AP4S1: variants seen among roughly 807,000 people sequenced by gnomAD.
AP4S1 encodes adaptor related protein complex 4 subunit sigma 1, also known as AP-4 complex subunit sigma-1.
In AP4S1, 23 loss-of-function variants were observed where a neutral mutation model predicts 19.8. That is an observed-to-expected ratio of 1.16 (90% CI 0.84 to 1.65). The LOEUF is 1.65. Among genes scored for constraint, AP4S1 ranks in the 40% most tolerant of loss-of-function variants. AP4S1 has a pLI of 0.00. For missense variants in AP4S1, 166 were observed against 172.8 expected, an observed-to-expected ratio of 0.96 and a Z score of 0.22; for synonymous variants, 46 against 54.1, an observed-to-expected ratio of 0.85 and a Z score of 0.66.
At chr14:31,058,527 A>ATGTGTGTGTGTG (rs140119208) in intron 1 of AP4S1, among the ~76,000 whole-genome samples, 142 of 136,646 alleles carry the variant, frequency 1.0e-3, no homozygotes, top group Middle Eastern at 3.7e-3. Context: ...CTGTGTGTGT[A>ATGTGTGTGTGTG]TGTGTGTGTG....
At chr14:31,028,454 T>G (rs750492499) in intron 1 of AP4S1, among the ~76,000 whole-genome samples, 1 of 152,094 alleles carries the variant, frequency 6.6e-6, no homozygotes, top group Non-Finnish European at 1.5e-5. Flanking sequence ...TAAGATTACA[T>G]ATTTCTTCAA....
chr14:31,050,511 T>C (rs193126272), intron 1 of AP4S1, among the ~76,000 whole-genome samples: 3 of 152,156 alleles, frequency 2.0e-5, no homozygotes, highest in Non-Finnish European at 4.4e-5. Flanking sequence ...AGACAGGGTC[T>C]TGCTATGAGG....
rs142026415 is a variant in AP4S1 at position 31,050,866 on chromosome 14, G to A, written c.-71-15260G>A. 8.4e-4 allele frequency among the ~76,000 whole-genome samples: 128 copies of A among 152,180 alleles called. 1 individual carries two copies. The highest frequency in any genetic ancestry group is 3.4e-3 in the Middle Eastern group (1 of 294). ...TTATTTCCTTAATCTTCTCTGGACT[G>A]TGATGGTTTTTTAGTCTTTTCTTGT... On this transcript the variant is annotated intron_variant, in intron 1 of 5. Coordinates refer to ENST00000542754, the MANE Select transcript of AP4S1 (RefSeq NM_001128126.3).
At chr14:31,071,681 G>C (rs534654865) in intron 3 of AP4S1, among the ~76,000 whole-genome samples, 1 of 151,706 alleles carries the variant, frequency 6.6e-6, no homozygotes, top group Admixed American at 6.6e-5. Flanking sequence ...GCCTCCCAAA[G>C]TGCTGGGATT....
At chr14:31,039,369 A>G (rs561683170) in intron 1 of AP4S1, among the ~76,000 whole-genome samples, 36 of 151,432 alleles carry the variant, frequency 2.4e-4, no homozygotes, top group Admixed American at 6.6e-4. Context: ...CATTTTTAGT[A>G]AAGACAGGTT....
At chr14:31,092,844 A>G in intron 5 of AP4S1, 63 bp from the exon 6 acceptor site, 2 of 1,322,600 alleles carry the variant, frequency 1.5e-6, no homozygotes, top group Non-Finnish European at 2.1e-6. Flanking sequence ...AGGTTAAGCC[A>G]TAAATTTTTA....
In AP4S1 at chr14:31,094,594, CAAAAAT is replaced by C. The variant is rs1458432339; in HGVS notation, c.*1565_*1570del. 3 of 147,334 alleles carry C rather than the reference CAAAAAT, an allele frequency of 2.0e-5. No homozygotes were observed. The highest frequency in any genetic ancestry group is 4.2e-4 in the East Asian group (2 of 4,804). The allele number at this position is 147,334 out of a possible 1,614,324, so 9.1% of individuals were successfully genotyped here. A position where few individuals can be genotyped will look rare whatever the true frequency, so the allele number is the denominator to read the frequency against. ...TGGGTGACAGAGTGAAACCCTGTCT[CAAAAAT>C]AAAAAAGTCCGAGTGCGGTGGCTCA... On this transcript the variant is annotated 3_prime_UTR_variant, in exon 6 of 6. Transcript: ENST00000542754.
chr14:31,073,466 G>C (rs1027797004), intron 4 of AP4S1, among the ~76,000 whole-genome samples: 7 of 147,002 alleles, frequency 4.8e-5, no homozygotes, highest in Admixed American at 2.7e-4. Flanking sequence ...CTCCAGCCTG[G>C]GCAACAGAGC....
chr14:31,045,669 T>A (rs1016785751), intron 1 of AP4S1, among the ~76,000 whole-genome samples: 1 of 152,184 alleles, frequency 6.6e-6, no homozygotes, highest in African/African-American at 2.4e-5. Context: ...TAATACACCA[T>A]TCAAAATATA....
chr14:31,061,413 G>A (rs1233672885), intron 1 of AP4S1, among the ~76,000 whole-genome samples: 2 of 152,178 alleles, frequency 1.3e-5, no homozygotes, highest in African/African-American at 4.8e-5. Context: ...ATCAAGCCCT[G>A]TAAATCAGCC....
At chr14:31,054,095 A>G (rs1885965898) in intron 1 of AP4S1, among the ~76,000 whole-genome samples, 1 of 152,174 alleles carries the variant, frequency 6.6e-6, no homozygotes, top group South Asian at 2.1e-4. Context: ...TCATTTATTC[A>G]GTTAACATTT....
chr14:31,045,535 C>A (rs958505345), intron 1 of AP4S1, among the ~76,000 whole-genome samples: 2 of 152,130 alleles, frequency 1.3e-5, no homozygotes, highest in African/African-American at 2.4e-5. Flanking sequence ...TCCCCGTCGC[C>A]TTATGCCATG....
chr14:31,033,606 G>A (rs76919081), intron 1 of AP4S1, among the ~76,000 whole-genome samples: 1,573 of 152,280 alleles, frequency 0.01, 35 homozygotes, highest in African/African-American at 0.035. Flanking sequence ...GAAACCAAAG[G>A]AGCAAAATGT....
At chr14:31,084,889 AG>A (rs1381108513) in intron 5 of AP4S1, 2 of 1,614,058 alleles carry the variant, frequency 1.2e-6, no homozygotes, top group African/African-American at 1.3e-5. Context: ...CTGAATAGCC[AG>A]GGGAGGGCAC....
chr14:31,025,885 A>T (rs1406910095), intron 1 of AP4S1, 98 bp downstream of exon 1: 1 of 1,592,790 alleles, frequency 6.3e-7, no homozygotes, highest in Non-Finnish European at 8.5e-7. Flanking sequence ...GCTCCCGCAC[A>T]CCGACCCCAA....
intron 1 of AP4S1, among the ~76,000 whole-genome samples, chr14:31,035,230 C>G (rs1371538187): frequency 8.4e-6 from 1 of 119,746 alleles, no homozygotes; most frequent in African/African-American, 3.3e-5. Flanking sequence ...GAGTCTAGCT[C>G]TATCGCCAGG....
chr14:31,030,859 T>G (rs1253579310), intron 1 of AP4S1, among the ~76,000 whole-genome samples: 1 of 152,178 alleles, frequency 6.6e-6, no homozygotes. Flanking sequence ...AAACTTCAAG[T>G]GTGCTGCCTA....
chr14:31,069,028 T>A (rs1886865377), intron 2 of AP4S1, among the ~76,000 whole-genome samples: 1 of 152,142 alleles, frequency 6.6e-6, no homozygotes, highest in Non-Finnish European at 1.5e-5. Flanking sequence ...TAGAGGAATT[T>A]CCATGGTCAA....
At chr14:31,045,753 G>A (rs141101655) in intron 1 of AP4S1, among the ~76,000 whole-genome samples, 144 of 152,130 alleles carry the variant, frequency 9.5e-4, no homozygotes, top group African/African-American at 3.4e-3. Flanking sequence ...TAATACTCTT[G>A]AAATTTCCTA....
Sources: gnomAD v4.1 joint callset for allele counts (sites outside exome capture counted in the v4.1 genomes callset) on GRCh38, gnomAD v4.1.1 for gene constraint, MANE v1.5 for transcripts, NCBI Gene and HGNC (gene_info 2026-07-23, HGNC 2026-07-21) for gene names.